TRIM32: variants seen among roughly 807,000 people sequenced by gnomAD.
The protein encoded by TRIM32 is tripartite motif containing 32, also known as E3 ubiquitin-protein ligase TRIM32.
In TRIM32, 19 loss-of-function variants were observed where a neutral mutation model predicts 36.0. That is an observed-to-expected ratio of 0.53 (90% CI 0.37 to 0.77). The LOEUF (loss-of-function observed/expected upper bound fraction) is 0.77, where lower values mean the gene tolerates loss of function less well. TRIM32 is among the 30% of genes least tolerant of loss of function. The pLI, the probability that TRIM32 is intolerant of heterozygous loss-of-function variation, is 0.00. For synonymous variants in TRIM32, 309 were observed against 318.5 expected (o/e 0.97, Z 0.32); for missense variants, 747 against 845.2 (o/e 0.88, Z 1.44).
Position 116,698,682 on chromosome 9 carries a change from T to C in TRIM32, c.940T>C (p.Ser314Pro). ...EDSWAMEATA[S>P]AASTSVTFRE... Reference sequence around the variant, plus strand: ...TTCCTGGGCCATGGAGGCCACAGCGTCTGCTGCCTCTACCTCTGTTACTTT... The same window carrying C: ...TTCCTGGGCCATGGAGGCCACAGCGCCTGCTGCCTCTACCTCTGTTACTTT... The change falls in exon 2 of 2, where the codon TCT becomes CCT. Residue 314 changes from serine (S) to proline (P), a missense_variant. Coordinates refer to ENST00000450136, the MANE Select transcript of TRIM32 (RefSeq NM_012210.4). The surrounding 1 kb of genome is among the most constrained non-coding windows in gnomAD (Gnocchi z 4.4). 1.2e-6 allele frequency: 2 copies of C among 1,614,182 alleles called. No individual in the cohort carries two copies. Among genetic ancestry groups the C allele is most frequent in the African/African-American group, 1.3e-5 (1 of 75,066 alleles).
Position 116,697,900 on chromosome 9 carries a change from C to T in TRIM32, c.158C>T (p.Ala53Val). 6.2e-7 allele frequency: 1 copy of T among 1,614,202 alleles called. No individual in the cohort carries two copies. The highest frequency in any genetic ancestry group is 1.1e-5 in the South Asian group (1 of 91,088). ...CGCCAGTGCCTGGAGAAGCTATTGGCCAGTAGCATCAATGGTGTCCGCTGT... is the reference window on the plus strand; with the variant it reads ...CGCCAGTGCCTGGAGAAGCTATTGGTCAGTAGCATCAATGGTGTCCGCTGT... ...ICRQCLEKLL[A>V]SSINGVRCPF... Residue 53 changes from alanine (A) to valine (V), a missense_variant, in exon 2 of 2, where the codon GCC (alanine) becomes GTC (valine). Physicochemically the swap from Ala to Val is moderately conservative, Grantham distance 64. Coordinates refer to ENST00000450136, the MANE Select transcript of TRIM32 (RefSeq NM_012210.4).
In TRIM32 at chr9:116,698,137, G is replaced by C; in HGVS notation, c.395G>C (p.Gly132Ala). The C allele has an allele frequency of 6.2e-7, 1 of 1,614,098 alleles. No individual in the cohort carries two copies. Among genetic ancestry groups the C allele is most frequent in the Non-Finnish European group, 8.5e-7 (1 of 1,180,024 alleles). The change falls in exon 2 of 2, where the codon GGC becomes GCC. Residue 132 changes from glycine (G) to alanine (A), a missense_variant. Physicochemically the swap from Gly to Ala is moderately conservative, Grantham distance 60 (BLOSUM62 0). Coordinates refer to ENST00000450136, the MANE Select transcript of TRIM32 (RefSeq NM_012210.4). This position sits in a 1 kb window ranked among gnomAD's most constrained non-coding sequence, Gnocchi z 4.4. ...CGGGAGGCAGACCATCAGCCTCCTG[G>C]CCACTGTACACTCCCTGTCAAAGAA... ...PCREADHQPP[G>A]HCTLPVKEAA...
rs1465759338 is a variant in TRIM32 at position 116,698,448 on chromosome 9, G to A, written c.706G>A (p.Val236Met). 6.2e-7 allele frequency: 1 copy of A among 1,614,106 alleles called. No individual in the cohort carries two copies. The highest frequency in any genetic ancestry group is 8.5e-7 in the Non-Finnish European group (1 of 1,180,042). The change falls in exon 2 of 2, where the codon GTG becomes ATG. Residue 236 changes from valine to methionine, a missense_variant. Physicochemically the swap from Val to Met is conservative, Grantham distance 21. Transcript: ENST00000450136. The surrounding 1 kb of genome is among the most constrained non-coding windows in gnomAD (Gnocchi z 4.4). ...YLLNIAEVQAVSRCDYFLAKI... is the reference protein window; with the variant it reads ...YLLNIAEVQAMSRCDYFLAKI... ...GCTTAACATTGCAGAGGTGCAGGCT[G>A]TGTCTCGCTGTGACTACTTCCTGGC... is the stretch of plus-strand genomic sequence containing the variant.
intron 1 of TRIM32, among the ~76,000 whole-genome samples, chr9:116,689,527 C>T (rs941223428): frequency 1.3e-5 from 2 of 152,106 alleles, no homozygotes; most frequent in Non-Finnish European, 2.9e-5. Context: ...AAGTGACTTG[C>T]CTAAGTTTCC....
At chr9:116,697,574 C>A in intron 1 of TRIM32, 88 bp from the exon 2 acceptor site, 1 of 821,924 alleles carries the variant, frequency 1.2e-6, no homozygotes, top group Non-Finnish European at 1.9e-6. Flanking sequence ...GACTGAATGA[C>A]TGGTCATAGC....
rs973911445 is a variant in TRIM32, at chr9:116,700,839, T to C, written c.*1135T>C. On this transcript the variant is annotated 3_prime_UTR_variant, in exon 2 of 2. Transcript: ENST00000450136. ...CGCTATGCCATTTTGCTTCCTTATCTCACTGTGTTCTTTCAGAGTGTAGAT... is the reference window on the plus strand; with the variant it reads ...CGCTATGCCATTTTGCTTCCTTATCCCACTGTGTTCTTTCAGAGTGTAGAT... 6.0e-6 allele frequency: 1 copy of C among 166,880 alleles called. No individual in the cohort carries two copies. Among genetic ancestry groups the C allele is most frequent in the African/African-American group, 2.4e-5 (1 of 41,462 alleles). 10.3% of individuals were successfully genotyped at this position (166,880 alleles called of 1,614,324 possible).
chr9:116,693,533 AC>A (rs747040382), intron 1 of TRIM32, among the ~76,000 whole-genome samples: 3 of 151,922 alleles, frequency 2.0e-5, no homozygotes, highest in Non-Finnish European at 4.4e-5. Context: ...ATGTGCTAGT[AC>A]AGTATGGTAT....
At position 116,693,015 on chromosome 9, in the gene TRIM32, C is replaced by A. The variant is rs117078203; in HGVS notation, c.-81-4647C>A. ...ATCAAAACTCTTCAAAACTGACCAG[C>A]CCTTTTATTAATCTTTATATGCCTT... On this transcript the variant is annotated intron_variant, in intron 1 of 1. Transcript: ENST00000450136. 1.6e-3 allele frequency among the ~76,000 whole-genome samples: 245 copies of A among 152,222 alleles called. 1 individual carries two copies. Among genetic ancestry groups the A allele is most frequent in the Non-Finnish European group, 3.0e-3 (205 of 68,004 alleles).
chr9:116,694,325 T>G (rs566580469), intron 1 of TRIM32, among the ~76,000 whole-genome samples: 1 of 152,276 alleles, frequency 6.6e-6, no homozygotes, highest in African/African-American at 2.4e-5. Flanking sequence ...CAGATGTCCC[T>G]GTGCATTGTA....
At chr9:116,697,550 TTAAG>T (rs1860926376) in intron 1 of TRIM32, 108 bp from the exon 2 acceptor site, 3 of 702,184 alleles carry the variant, frequency 4.3e-6, no homozygotes, top group Non-Finnish European at 7.0e-6. Context: ...AAAATAGTTG[TTAAG>T]TAAGGGAATG....
chr9:116,698,878 T>G lies in TRIM32; in HGVS notation c.1136T>G (p.Val379Gly), dbSNP rs922830234. ...GMFNLPVSLY[V>G]TSQGEVLVAD... ...TTCAATCTTCCAGTCAGTCTCTACG[T>G]GACCAGTCAAGGTGAAGTACTAGTC... The change falls in exon 2 of 2, where the codon GTG (valine) becomes GGG (glycine). Residue 379 changes from valine to glycine, a missense_variant. Val to Gly is a moderately radical substitution (Grantham distance 109). Transcript: ENST00000450136. This position sits in a 1 kb window ranked among gnomAD's most constrained non-coding sequence, Gnocchi z 4.4. 6 of 1,614,120 alleles carry G rather than the reference T, an allele frequency of 3.7e-6. No individual in the cohort carries two copies. Among genetic ancestry groups the G allele is most frequent in the Non-Finnish European group, 5.1e-6 (6 of 1,180,058 alleles).
rs779854612 is a variant in TRIM32, at chr9:116,699,439, G to A, written c.1697G>A (p.Ser566Asn). ...GATGGGCAGCTGGGTCGCCAGATTA[G>A]CCACTTCTTCTCGGAGAATGAGGAT... Reference protein sequence around the residue: ...GPDGQLGRQISHFFSENEDFR... With the variant: ...GPDGQLGRQINHFFSENEDFR... The change falls in exon 2 of 2, where the codon AGC becomes AAC. Residue 566 changes from serine (S) to asparagine (N), a missense_variant. By Grantham distance (46) the Ser-to-Asn change is conservative. Transcript: ENST00000450136. This position sits in a 1 kb window ranked among gnomAD's most constrained non-coding sequence, Gnocchi z 4.2. 1.9e-6 allele frequency: 3 copies of A among 1,614,164 alleles called. No individual in the cohort carries two copies. The South Asian group carries it at 3.3e-5, about 18-fold the overall frequency.
intron 1 of TRIM32, among the ~76,000 whole-genome samples, chr9:116,695,126 G>C (rs1304934023): frequency 2.6e-5 from 4 of 152,130 alleles, no homozygotes; most frequent in Non-Finnish European, 5.9e-5. Flanking sequence ...GTAAAAAATA[G>C]CTTGAAATAA....
intron 1 of TRIM32, among the ~76,000 whole-genome samples, chr9:116,691,050 G>C (rs1860541908): frequency 6.6e-6 from 1 of 152,074 alleles, no homozygotes. Flanking sequence ...CTCCCAAGTA[G>C]CTGGGACCAC....
intron 1 of TRIM32, among the ~76,000 whole-genome samples, chr9:116,691,821 T>G (rs1266800918): frequency 6.6e-6 from 1 of 152,226 alleles, no homozygotes; most frequent in African/African-American, 2.4e-5. Context: ...TGCACTTGAT[T>G]AGCATTCTGT....
rs1860991801 is a variant in TRIM32, at chr9:116,698,394, A to C, written c.652A>C (p.Ser218Arg). ...GSLAEVEKSN[S>R]QVVEEQSYLL... The stretch of plus-strand genomic sequence containing the variant: ...TTTGGCTGAAGTTGAGAAGTCCAAT[A>C]GTCAAGTGGTAGAGGAGCAGAGTTA... The change falls in exon 2 of 2, where the codon AGT (serine) becomes CGT (arginine). Residue 218 changes from serine (S) to arginine (R), a missense_variant. Transcript: ENST00000450136. This position sits in a 1 kb window ranked among gnomAD's most constrained non-coding sequence, Gnocchi z 4.4. 1 of 1,614,116 alleles carries C rather than the reference A, an allele frequency of 6.2e-7. No individual in the cohort carries two copies. Among genetic ancestry groups the C allele is most frequent in the Non-Finnish European group, 8.5e-7 (1 of 1,180,020 alleles).
At chr9:116,695,245 A>G (rs935977238) in intron 1 of TRIM32, among the ~76,000 whole-genome samples, 9 of 152,222 alleles carry the variant, frequency 5.9e-5, no homozygotes, top group Admixed American at 1.3e-4. Context: ...TCTGTAAAAT[A>G]GGATAATAAA....
Position 116,698,976 on chromosome 9 carries a change from A to G in TRIM32, c.1234A>G (p.Ser412Gly). The G allele has an allele frequency of 1.2e-6, 2 of 1,614,144 alleles. No individual in the cohort carries two copies. Among genetic ancestry groups the G allele is most frequent in the Non-Finnish European group, 1.7e-6 (2 of 1,180,014 alleles). ...TTTGAAGGAAATCCGCCGCAGCCCC[A>G]GTGGCATTGATAGCTTTGTGCTAAG... ...GFLKEIRRSP[S>G]GIDSFVLSFL... The change falls in exon 2 of 2, where the codon AGT becomes GGT. Residue 412 changes from serine to glycine, a missense_variant. Ser to Gly is a moderately conservative substitution (Grantham distance 56). Transcript: ENST00000450136. The surrounding 1 kb of genome is among the most constrained non-coding windows in gnomAD (Gnocchi z 4.4).
intron 1 of TRIM32, among the ~76,000 whole-genome samples, chr9:116,689,895 A>C (rs1860478512): frequency 6.6e-6 from 1 of 152,146 alleles, no homozygotes; most frequent in South Asian, 2.1e-4. Context: ...ACCTCATAGC[A>C]GGGACTGAGG....
Sources: allele counts gnomAD v4.1 joint callset (sites outside exome capture counted in the v4.1 genomes callset), GRCh38; gene constraint gnomAD v4.1.1; non-coding constraint Gnocchi (gnomAD v3.1); transcripts MANE v1.5; gene names NCBI Gene and HGNC (gene_info 2026-07-23, HGNC 2026-07-21).